Variants in TNNI3 observed in about 807,000 individuals in gnomAD.
TNNI3 encodes the protein troponin I3, cardiac type.
Under a neutral mutation model 31.5 loss-of-function variants are expected in TNNI3, and 23 were observed. That is an observed-to-expected ratio of 0.73 (90% CI 0.52 to 1.03). The LOEUF (loss-of-function observed/expected upper bound fraction) is 1.03, where lower values mean the gene tolerates loss of function less well. TNNI3 is among the 50% of genes least tolerant of loss of function. TNNI3 has a pLI of 0.00. For synonymous variants in TNNI3, 120 were observed against 111.7 expected (o/e 1.07, Z -0.47); for missense variants, 236 against 282.9 (o/e 0.83, Z 1.19).
Position 55,151,792 on chromosome 19 carries a change from C to T in TNNI3, c.*42G>A, listed in dbSNP as rs184858206. ...TTTCAGCTCAGAGAGAAGCTTTATT[C>T]CTCAGGGCCCTCCTCAGGGCAGGGG... On this transcript the variant is annotated 3_prime_UTR_variant, in exon 8 of 8. Transcript: ENST00000344887. 9 of 1,580,662 alleles carry T rather than the reference C, an allele frequency of 5.7e-6. No homozygotes were observed. In the Admixed American group the frequency reaches 1.3e-4, roughly 23 times the overall value.
Position 55,157,004 on chromosome 19 carries a change from G to T in TNNI3, c.108+46C>A. ...TCCTCCCCCCACTCCCAGGGTCTTG[G>T]ATCCCTCCGGCGCCTGTACTCTGCC... On this transcript the variant is annotated intron_variant, in intron 3 of 7. Transcript: ENST00000344887. The surrounding 1 kb of genome is among the most constrained non-coding windows in gnomAD (Gnocchi z 6.3). The T allele has an allele frequency of 1.9e-6, 3 of 1,544,456 alleles. No homozygotes were observed. Among genetic ancestry groups the T allele is most frequent in the Non-Finnish European group, 2.6e-6 (3 of 1,146,048 alleles).
chr19:55,154,232 C>G, intron 6 of TNNI3, 26 bp from the exon 7 acceptor site: 1 of 1,606,706 alleles, frequency 6.2e-7, no homozygotes, highest in African/African-American at 1.3e-5. Flanking sequence ...GGGGTGGGTA[C>G]TTCTCCTTCC....
chr19:55,157,691 C>G lies in TNNI3; in HGVS notation c.-102G>C. 2 of 1,399,712 alleles carry G rather than the reference C, an allele frequency of 1.4e-6. No homozygotes were observed. The highest frequency in any genetic ancestry group is 1.4e-5 in the African/African-American group (1 of 70,232). The allele number at this position is 1,399,712 out of a possible 1,614,324, so 86.7% of individuals were successfully genotyped here. On this transcript the variant is annotated 5_prime_UTR_variant, in exon 1 of 8. Coordinates refer to ENST00000344887, the MANE Select transcript of TNNI3 (RefSeq NM_000363.5). The surrounding 1 kb of genome is among the most constrained non-coding windows in gnomAD (Gnocchi z 6.3). ...GGGTGACCTTCAGGGTCCCAGGGAC[C>G]GTCAGTCTCCTCCGGGCTGCTTGAG...
chr19:55,153,570 T>C (rs1001943340), intron 7 of TNNI3, among the ~76,000 whole-genome samples: 1 of 151,456 alleles, frequency 6.6e-6, no homozygotes, highest in Non-Finnish European at 1.5e-5. Context: ...AACAACAACA[T>C]GGTGGTGTGC....
In TNNI3 at chr19:55,156,314, C is replaced by T; in HGVS notation, c.169G>A (p.Ala57Thr). The T allele has an allele frequency of 1.9e-6, 3 of 1,609,528 alleles. No individual in the cohort carries two copies. The highest frequency in any genetic ancestry group is 1.7e-4 in the Middle Eastern group (1 of 5,922). ...LQLKTLLLQI[A>T]KQELEREAEE... is the part of the protein sequence containing the mutation. ...GCCTCTCGCTCCAGCTCTTGCTTTG[C>T]AATCTGCAGCAGCAGAGTCTGCAGA... Residue 57 changes from alanine (A) to threonine (T), a missense_variant, in exon 5 of 8, where the codon GCA becomes ACA. Ala to Thr is a moderately conservative substitution (Grantham distance 58). Around this residue, in one of 4 missense-constraint regions of TNNI3, gnomAD observed 172 missense variants for 171.8 expected, o/e 1.00. Coordinates refer to ENST00000344887, the MANE Select transcript of TNNI3 (RefSeq NM_000363.5). The surrounding 1 kb of genome is among the most constrained non-coding windows in gnomAD (Gnocchi z 4.6).
chr19:55,155,410 C>G (rs367853215), intron 5 of TNNI3, among the ~76,000 whole-genome samples: 24 of 45,920 alleles, frequency 5.2e-4, no homozygotes, highest in Admixed American at 8.6e-4. Context: ...TCCAGGGTCT[C>G]AGGGAGGAGA....
In TNNI3 at chr19:55,156,445, A is replaced by AG; in HGVS notation, c.151-114dup. The AG allele has an allele frequency of 7.3e-6, 11 of 1,511,590 alleles. No homozygotes were observed. The highest frequency in any genetic ancestry group is 9.8e-6 in the Non-Finnish European group (11 of 1,120,948). The allele number at this position is 1,511,590 out of a possible 1,614,324, so 93.6% of individuals were successfully genotyped here. A position where few individuals can be genotyped will look rare whatever the true frequency, so the allele number is the denominator to read the frequency against. ...CTCCAGTTTGGTCTCCACTGTTCCA[A>AG]GGCCCCGTCCCACCCCGAGCAGTAC... is the stretch of plus-strand genomic sequence containing the variant. On this transcript the variant is annotated intron_variant, in intron 4 of 7. Transcript: ENST00000344887. This position sits in a 1 kb window ranked among gnomAD's most constrained non-coding sequence, Gnocchi z 4.6.
In TNNI3 at chr19:55,156,929, C is replaced by T; in HGVS notation, c.108+121G>A. 2 of 1,190,274 alleles carry T rather than the reference C, an allele frequency of 1.7e-6. No individual in the cohort carries two copies. Among genetic ancestry groups the T allele is most frequent in the South Asian group, 2.6e-5 (2 of 76,688 alleles). The allele number at this position is 1,190,274 out of a possible 1,614,324, so 73.7% of individuals were successfully genotyped here. On this transcript the variant is annotated intron_variant, in intron 3 of 7. Coordinates refer to ENST00000344887, the MANE Select transcript of TNNI3 (RefSeq NM_000363.5). This position sits in a 1 kb window ranked among gnomAD's most constrained non-coding sequence, Gnocchi z 4.6. ...TCCGAGCATGACCCTCTGCAAAACT[C>T]CGCCCCTGAAGCCCCTCCGCGTAGT...
chr19:55,156,502 A>C lies in TNNI3; in HGVS notation c.150+101T>G, dbSNP rs1224253740. 6 of 1,520,254 alleles carry C rather than the reference A, an allele frequency of 3.9e-6. No individual in the cohort carries two copies. Among genetic ancestry groups the C allele is most frequent in the East Asian group, 4.9e-5 (2 of 40,660 alleles). 94.2% of individuals were successfully genotyped at this position (1,520,254 alleles called of 1,614,324 possible). The stretch of plus-strand genomic sequence containing the variant: ...CTAAAGCCACGCCCCGAGCGGCCAA[A>C]CCCCGCCCACTTCCGCCCACCTACC... On this transcript the variant is annotated intron_variant, in intron 4 of 7. Coordinates refer to ENST00000344887, the MANE Select transcript of TNNI3 (RefSeq NM_000363.5). The surrounding 1 kb of genome is among the most constrained non-coding windows in gnomAD (Gnocchi z 4.6).
In TNNI3 at chr19:55,156,465, C is replaced by T; in HGVS notation, c.151-133G>A. 1.3e-6 allele frequency: 2 copies of T among 1,499,180 alleles called. No homozygotes were observed. Among genetic ancestry groups the T allele is most frequent in the Non-Finnish European group, 1.8e-6 (2 of 1,108,300 alleles). 92.9% of individuals were successfully genotyped at this position (1,499,180 alleles called of 1,614,324 possible). A position where few individuals can be genotyped will look rare whatever the true frequency, so the allele number is the denominator to read the frequency against. On this transcript the variant is annotated intron_variant, in intron 4 of 7. Coordinates refer to ENST00000344887, the MANE Select transcript of TNNI3 (RefSeq NM_000363.5). This position sits in a 1 kb window ranked among gnomAD's most constrained non-coding sequence, Gnocchi z 4.6. The stretch of plus-strand genomic sequence containing the variant: ...TTCCAAGGCCCCGTCCCACCCCGAG[C>T]AGTACTCCCCGCTAAAGCCACGCCC...
rs139658409 is a variant in TNNI3 at position 55,153,547 on chromosome 19, T to G, written c.549+483A>C. On this transcript the variant is annotated intron_variant, in intron 7 of 7. Transcript: ENST00000344887. ...TGACTGGCTAATTTAAAAAAGAAAT[T>G]TGTAGAAATTAAAACAACAACATGG... Among the ~76,000 whole-genome samples, 186 of 151,626 alleles carry G rather than the reference T, an allele frequency of 1.2e-3. 1 individual carries two copies. The highest frequency in any genetic ancestry group is 4.1e-3 in the African/African-American group (169 of 41,348).
In TNNI3 at chr19:55,156,442, C is replaced by T. The variant is rs1031411432; in HGVS notation, c.151-110G>A. 1 of 1,513,940 alleles carries T rather than the reference C, an allele frequency of 6.6e-7. No individual in the cohort carries two copies. Among genetic ancestry groups the T allele is most frequent in the Non-Finnish European group, 8.9e-7 (1 of 1,123,186 alleles). The allele number at this position is 1,513,940 out of a possible 1,614,324, so 93.8% of individuals were successfully genotyped here. Reference sequence around the variant, plus strand: ...ACCCTCCAGTTTGGTCTCCACTGTTCCAAGGCCCCGTCCCACCCCGAGCAG... The same window carrying T: ...ACCCTCCAGTTTGGTCTCCACTGTTTCAAGGCCCCGTCCCACCCCGAGCAG... On this transcript the variant is annotated intron_variant, in intron 4 of 7. Coordinates refer to ENST00000344887, the MANE Select transcript of TNNI3 (RefSeq NM_000363.5). The surrounding 1 kb of genome is among the most constrained non-coding windows in gnomAD (Gnocchi z 4.6).
chr19:55,156,567 A>T lies in TNNI3; in HGVS notation c.150+36T>A, dbSNP rs1242757922. The T allele has an allele frequency of 3.2e-6, 5 of 1,551,786 alleles. No individual in the cohort carries two copies. Among genetic ancestry groups the T allele is most frequent in the Non-Finnish European group, 4.4e-6 (5 of 1,147,410 alleles). On this transcript the variant is annotated intron_variant, in intron 4 of 7. Transcript: ENST00000344887. This position sits in a 1 kb window ranked among gnomAD's most constrained non-coding sequence, Gnocchi z 4.6. ...CATTCTCAAGCTCCGCCCCCTGAGC[A>T]CCTGCCTGCTCTTTCCCAGTCCCGC...
In TNNI3 at chr19:55,156,426, T is replaced by C; in HGVS notation, c.151-94A>G. ...GCCTCTGCCCTTCTAAACCCTCCAG[T>C]TTGGTCTCCACTGTTCCAAGGCCCC... is the stretch of plus-strand genomic sequence containing the variant. On this transcript the variant is annotated intron_variant, in intron 4 of 7. Coordinates refer to ENST00000344887, the MANE Select transcript of TNNI3 (RefSeq NM_000363.5). The surrounding 1 kb of genome is among the most constrained non-coding windows in gnomAD (Gnocchi z 4.6). 3 of 1,527,826 alleles carry C rather than the reference T, an allele frequency of 2.0e-6. No homozygotes were observed. Among genetic ancestry groups the C allele is most frequent in the Non-Finnish European group, 2.6e-6 (3 of 1,132,964 alleles). The allele number at this position is 1,527,826 out of a possible 1,614,324, so 94.6% of individuals were successfully genotyped here. A position where few individuals can be genotyped will look rare whatever the true frequency, so the allele number is the denominator to read the frequency against.
Position 55,157,146 on chromosome 19 carries a change from G to T in TNNI3, c.25-13C>A. 6.3e-7 allele frequency: 1 copy of T among 1,595,398 alleles called. No homozygotes were observed. Among genetic ancestry groups the T allele is most frequent in the South Asian group, 1.1e-5 (1 of 87,784 alleles). On this transcript the variant is annotated splice_polypyrimidine_tract_variant and intron_variant, in intron 2 of 7. Transcript: ENST00000344887. The surrounding 1 kb of genome is among the most constrained non-coding windows in gnomAD (Gnocchi z 6.3). ...GAGGTTCCCTAGCCTGGGTTAGGAGGAGTGGGGACCCCATCACCACCAAGA... is the reference window on the plus strand; with the variant it reads ...GAGGTTCCCTAGCCTGGGTTAGGAGTAGTGGGGACCCCATCACCACCAAGA...
rs566250810 is a variant in TNNI3 at position 55,157,452 on chromosome 19, C to G, written c.11+127G>C. ...TCCAGGAGTCTGACTCGCAAACCCA[C>G]TTCCTCTCTTCACCCAAGAGTCCCT... On this transcript the variant is annotated intron_variant, in intron 1 of 7. Coordinates refer to ENST00000344887, the MANE Select transcript of TNNI3 (RefSeq NM_000363.5). This position sits in a 1 kb window ranked among gnomAD's most constrained non-coding sequence, Gnocchi z 6.3. 1 of 1,572,906 alleles carries G rather than the reference C, an allele frequency of 6.4e-7. No homozygotes were observed. The highest frequency in any genetic ancestry group is 8.7e-7 in the Non-Finnish European group (1 of 1,147,638).
Position 55,155,413 on chromosome 19 carries a change from G to A in TNNI3, c.283-583C>T, listed in dbSNP as rs542797933. ...TGGGGCCTGGACTCCAGGGTCTCAG[G>A]GAGGAGAGGCTGGGGCCTGGACTCC... On this transcript the variant is annotated intron_variant, in intron 5 of 7. Transcript: ENST00000344887. Among the ~76,000 whole-genome samples the A allele has an allele frequency of 8.6e-5, 8 of 93,034 alleles. 1 individual carries two copies. Among genetic ancestry groups the A allele is most frequent in the African/African-American group, 3.7e-4 (7 of 18,960 alleles). 61.0% of individuals were successfully genotyped at this position (93,034 alleles called of 152,430 possible).
At position 55,156,169 on chromosome 19, in the gene TNNI3, A is replaced by T. The variant is rs752897209; in HGVS notation, c.282+32T>A. ...AGAGGCTGTACTGCTGAATTCCGGG[A>T]CTAGAAACCTCGCATCCTTGGGAGC... On this transcript the variant is annotated intron_variant, in intron 5 of 7. Coordinates refer to ENST00000344887, the MANE Select transcript of TNNI3 (RefSeq NM_000363.5). This position sits in a 1 kb window ranked among gnomAD's most constrained non-coding sequence, Gnocchi z 4.6. 1 of 1,612,508 alleles carries T rather than the reference A, an allele frequency of 6.2e-7. No individual in the cohort carries two copies. Among genetic ancestry groups the T allele is most frequent in the East Asian group, 2.2e-5 (1 of 44,856 alleles).
Position 55,156,239 on chromosome 19 carries a change from G to T in TNNI3, c.244C>A (p.Pro82Thr). ...KGRALSTRCQ[P>T]LELAGLGFAE... is the part of the protein sequence containing the mutation. ...AAGCCCAGCCCGGCCAACTCCAGCG[G>T]CTGGCAGCGGGTGCTCAGAGCGCGC... The change falls in exon 5 of 8, where the codon CCG (proline) becomes ACG (threonine). Residue 82 changes from proline to threonine, a missense_variant. This residue lies in a region of TNNI3 where 172 missense variants were observed against 171.8 expected (regional missense o/e 1.00). Transcript: ENST00000344887. The surrounding 1 kb of genome is among the most constrained non-coding windows in gnomAD (Gnocchi z 4.6). 1 of 1,612,562 alleles carries T rather than the reference G, an allele frequency of 6.2e-7. No homozygotes were observed.
Sources: allele counts gnomAD v4.1 joint callset (sites outside exome capture counted in the v4.1 genomes callset), GRCh38; gene constraint gnomAD v4.1.1; regional missense constraint gnomAD v4.1.1; non-coding constraint Gnocchi (gnomAD v3.1); transcripts MANE v1.5; gene names NCBI Gene and HGNC (gene_info 2026-07-23, HGNC 2026-07-21).